Variants in FHAD1 observed in about 807,000 individuals in gnomAD.
The protein encoded by FHAD1 is forkhead-associated domain-containing protein 1.
Under a neutral mutation model 191.3 loss-of-function variants are expected in FHAD1, and 146 were observed. That is an observed-to-expected ratio of 0.76 (90% confidence interval 0.67 to 0.88). FHAD1 has a LOEUF of 0.88. Among genes scored for constraint, FHAD1 ranks in the 40% least tolerant of loss-of-function variants. The probability of loss-of-function intolerance (pLI) is 0.00; values close to 1 mark genes in which losing one functional copy is unlikely to be tolerated. For missense variants in FHAD1, 1,635 were observed against 1,785.8 expected (o/e 0.92, Z 1.52); for synonymous variants, 616 against 672.3 (o/e 0.92, Z 1.29).
At chr1:15,278,026 G>C (rs1659080142) in intron 3 of FHAD1, among the ~76,000 whole-genome samples, 1 of 152,198 alleles carries the variant, frequency 6.6e-6, no homozygotes, top group Non-Finnish European at 1.5e-5. Context: ...AGGAGGCAGA[G>C]GAGGTAGATT....
intron 2 of FHAD1, among the ~76,000 whole-genome samples, chr1:15,258,783 TCAC>T (rs1274082356): frequency 6.6e-6 from 1 of 152,012 alleles, no homozygotes; most frequent in African/African-American, 2.4e-5. Context: ...AGACTGGGTT[TCAC>T]CATGTTGGCC....
intron 25 of FHAD1, among the ~76,000 whole-genome samples, chr1:15,368,942 TA>T (rs1184934061): frequency 3.4e-4 from 50 of 146,092 alleles, no homozygotes; most frequent in Admixed American, 3.4e-4. Flanking sequence ...AAACTCCATC[TA>T]AAAAAAAAAA....
At chr1:15,257,061 A>G (rs1458408172) in intron 2 of FHAD1, among the ~76,000 whole-genome samples, 1 of 152,248 alleles carries the variant, frequency 6.6e-6, no homozygotes, top group African/African-American at 2.4e-5. Flanking sequence ...GGCTGCCTGT[A>G]AGAACTATAA....
chr1:15,268,862 AT>A (rs1255492233), intron 2 of FHAD1, among the ~76,000 whole-genome samples: 1 of 150,462 alleles, frequency 6.6e-6, no homozygotes, highest in Non-Finnish European at 1.5e-5. Flanking sequence ...TTTCTTGTAA[AT>A]TTGTTTGAGT....
rs563171315 is a variant in FHAD1, at chr1:15,337,039, G to A, written c.1907-2442G>A. Among the ~76,000 whole-genome samples, 10 of 152,334 alleles carry A rather than the reference G, an allele frequency of 6.6e-5. No individual in the cohort carries two copies. The South Asian group carries it at 2.1e-3, about 32-fold the overall frequency. On this transcript the variant is annotated intron_variant, in intron 14 of 33. Transcript: ENST00000688493. ...AGCCACTCCTATGTGTTTTCCACAC[G>A]GACGCCTCTGCAGGAGGGGCTGCCA...
rs370553297 is a variant in FHAD1, at chr1:15,360,118, A to AAAC, written c.2737-345_2737-343dup. Among the ~76,000 whole-genome samples, 1,251 of 152,310 alleles carry AAAC rather than the reference A, an allele frequency of 8.2e-3. 16 individuals are homozygous for AAAC. The highest frequency in any genetic ancestry group is 0.028 in the African/African-American group (1,160 of 41,560). On this transcript the variant is annotated intron_variant, in intron 21 of 33. Transcript: ENST00000688493. ...ACAGAGCAAGACTCTGTCTCAAAAC[A>AAAC]AACAACAACAACAACAAAAAGTTTA...
chr1:15,280,625 T>C (rs1660276330), intron 3 of FHAD1, among the ~76,000 whole-genome samples: 1 of 152,100 alleles, frequency 6.6e-6, no homozygotes, highest in South Asian at 2.1e-4. Flanking sequence ...TTCCTGCAGG[T>C]CACACTCTTC....
At chr1:15,246,459 GAGATAGGA>G (rs372999287), upstream of FHAD1, among the ~76,000 whole-genome samples, 43,062 of 151,866 alleles carry the variant, frequency 0.28, 7,092 homozygotes, top group Non-Finnish European at 0.38. Flanking sequence ...GAGTCAGCAG[GAGATAGGA>G]TTTCCTGCTG....
chr1:15,385,960 A>G (rs544290344), intron 31 of FHAD1, among the ~76,000 whole-genome samples: 70 of 152,298 alleles, frequency 4.6e-4, no homozygotes, highest in African/African-American at 1.7e-3. Flanking sequence ...GACAGTGACA[A>G]TGGCCCAGGC....
chr1:15,329,674 T>A lies in FHAD1; in HGVS notation c.1906+133T>A. On this transcript the variant is annotated intron_variant, in intron 14 of 33. Coordinates refer to ENST00000688493, the MANE Select transcript of FHAD1 (RefSeq NM_001391957.1). This position sits in a 1 kb window ranked among gnomAD's most constrained non-coding sequence, Gnocchi z 5.0. ...GTCTATTCCCTTCTCCAGAACCCCCTGCTTCTCTGCTTGAGGCGTAATTTT... is the reference window on the plus strand; with the variant it reads ...GTCTATTCCCTTCTCCAGAACCCCCAGCTTCTCTGCTTGAGGCGTAATTTT... The A allele has an allele frequency of 1.5e-6, 1 of 684,162 alleles. No individual in the cohort carries two copies. The highest frequency in any genetic ancestry group is 2.3e-6 in the Non-Finnish European group (1 of 426,106). 42.4% of individuals were successfully genotyped at this position (684,162 alleles called of 1,614,324 possible). A position where few individuals can be genotyped will look rare whatever the true frequency, so the allele number is the denominator to read the frequency against.
chr1:15,331,420 A>G (rs369900528), intron 14 of FHAD1, among the ~76,000 whole-genome samples: 7 of 137,180 alleles, frequency 5.1e-5, no homozygotes, highest in East Asian at 2.6e-4. Context: ...GGGTGGGTGG[A>G]TGGATGGATG....
chr1:15,342,014 A>G (rs905926654), intron 16 of FHAD1, 126 bp downstream of exon 16: 2 of 754,916 alleles, frequency 2.6e-6, no homozygotes, highest in Non-Finnish European at 4.0e-6. Flanking sequence ...ATGAAACTAA[A>G]TTAATTAAAC....
chr1:15,389,416 C>G (rs1303405773), intron 32 of FHAD1, among the ~76,000 whole-genome samples: 1 of 125,572 alleles, frequency 8.0e-6, no homozygotes, highest in South Asian at 2.6e-4. Context: ...CCGCTAAACT[C>G]TAGCCTGAGC....
chr1:15,327,013 C>T lies in FHAD1; in HGVS notation c.1474-46C>T, dbSNP rs762778195. ...CCATGGAAACGCTGCCCCCACTTGC[C>T]GGCCCCTGCTGACCCCCTGACACTG... On this transcript the variant is annotated intron_variant, in intron 11 of 33. Transcript: ENST00000688493. The surrounding 1 kb of genome is among the most constrained non-coding windows in gnomAD (Gnocchi z 5.1). The T allele has an allele frequency of 8.5e-6, 11 of 1,298,476 alleles. No individual in the cohort carries two copies. Among genetic ancestry groups the T allele is most frequent in the South Asian group, 1.3e-5 (1 of 77,894 alleles). The allele number at this position is 1,298,476 out of a possible 1,614,324, so 80.4% of individuals were successfully genotyped here.
chr1:15,346,013 C>T (rs1688791741), intron 18 of FHAD1, among the ~76,000 whole-genome samples: 1 of 152,156 alleles, frequency 6.6e-6, no homozygotes, highest in Non-Finnish European at 1.5e-5. Flanking sequence ...AACTCTTACG[C>T]CCCGGAGGAG....
chr1:15,399,396 G>A (rs183092983), downstream of FHAD1, among the ~76,000 whole-genome samples: 426 of 152,086 alleles, frequency 2.8e-3, 14 homozygotes, highest in Admixed American at 0.026. Context: ...GTGAGACCCT[G>A]TCTCTACAAG....
chr1:15,393,169 G>A, intron 33 of FHAD1: 4 of 150,468 alleles, frequency 2.7e-5, no homozygotes, highest in Admixed American at 6.7e-5. Context: ...CCACCTCCCA[G>A]GTTCAAGCGA....
chr1:15,389,152 G>A (rs1703129081), intron 32 of FHAD1, among the ~76,000 whole-genome samples: 1 of 152,050 alleles, frequency 6.6e-6, no homozygotes. Flanking sequence ...TTCCTCAAAG[G>A]ATTTTGTGTG....
intron 8 of FHAD1, among the ~76,000 whole-genome samples, chr1:15,314,887 CGTGTGGGGT>C (rs980570370): frequency 2.3e-4 from 16 of 70,982 alleles, no homozygotes; most frequent in Admixed American, 7.8e-4. Context: ...TATGGGGGTG[CGTGTGGGGT>C]GTGTGGGGTG....
Sources: allele counts gnomAD v4.1 joint callset (sites outside exome capture counted in the v4.1 genomes callset), GRCh38; gene constraint gnomAD v4.1.1; non-coding constraint Gnocchi (gnomAD v3.1); transcripts MANE v1.5; gene names NCBI Gene and HGNC (gene_info 2026-07-23, HGNC 2026-07-21).